KLC2: variants seen among roughly 807,000 people sequenced by gnomAD.
KLC2 encodes kinesin light chain 2.
Under a neutral mutation model 75.1 loss-of-function variants are expected in KLC2, and 35 were observed. The observed-to-expected ratio is 0.47, with a 90% CI of 0.36 to 0.62. KLC2 has a LOEUF of 0.62. KLC2 is among the 20% of genes least tolerant of loss of function. KLC2 has a pLI of 0.00. For missense variants in KLC2, 611 were observed against 833.2 expected (o/e 0.73, Z 3.28); for synonymous variants, 314 against 336.7 (o/e 0.93, Z 0.74).
At chr11:66,257,510 C>G (rs532524253), upstream of KLC2, 2 of 152,332 alleles carry the variant, frequency 1.3e-5, no homozygotes, top group East Asian at 1.9e-4. Flanking sequence ...TTCGACCTCC[C>G]GAGCAGCTCC....
Position 66,267,214 on chromosome 11 carries a change from T to G in KLC2, c.*258T>G. 7.8e-5 allele frequency: 116 copies of G among 1,481,032 alleles called. No individual in the cohort carries two copies. The highest frequency in any genetic ancestry group is 1.7e-4 in the Middle Eastern group (1 of 5,882). 91.7% of individuals were successfully genotyped at this position (1,481,032 alleles called of 1,614,324 possible). A position where few individuals can be genotyped will look rare whatever the true frequency, so the allele number is the denominator to read the frequency against. ...GTTCGGGCCAGCAGGAGGTGCCGGC[T>G]GGAGTCTCCACCATAGACTCAGTGG... On this transcript the variant is annotated 3_prime_UTR_variant, in exon 16 of 16. Transcript: ENST00000394067.
At chr11:66,249,941 T>C in the KLC2 span, among the ~76,000 whole-genome samples, 9 of 152,176 alleles carry the variant, frequency 5.9e-5, no homozygotes, top group Non-Finnish European at 1.0e-4. Flanking sequence ...TTTGTCGTCC[T>C]ATCCTCCCAG....
At chr11:66,263,784 C>T (rs757304384) in intron 6 of KLC2, 37 bp downstream of exon 6, 20 of 1,604,026 alleles carry the variant, frequency 1.2e-5, no homozygotes, top group South Asian at 8.8e-5. Context: ...GGGCTGTGCC[C>T]CATCCCCTGC....
At chr11:66,255,605 T>C (rs1034464396), upstream of KLC2, among the ~76,000 whole-genome samples, 2 of 152,062 alleles carry the variant, frequency 1.3e-5, no homozygotes, top group African/African-American at 4.8e-5. Flanking sequence ...CCAGCTGAAA[T>C]GGACAAGGAT....
Position 66,265,079 on chromosome 11 carries a change from CTG to C in KLC2, c.1266+10_1266+11del. 1.2e-6 allele frequency: 2 copies of C among 1,610,902 alleles called. No homozygotes were observed. The highest frequency in any genetic ancestry group is 2.7e-5 in the African/African-American group (2 of 75,014). ...GGAGCGGGAGGAAAGCAAGGTAGCT[CTG>C]TGGGGCAGGCTGGGCGGTTGTCAGG... On this transcript the variant is annotated splice_region_variant and intron_variant, in intron 10 of 15. Coordinates refer to ENST00000394067, the MANE Select transcript of KLC2 (RefSeq NM_001318734.2).
chr11:66,262,887 G>C lies in KLC2; in HGVS notation c.603G>C (p.Leu201=), dbSNP rs1160014042. Residue 201 remains leucine, a synonymous_variant, in exon 5 of 16, where the codon CTG becomes CTC. Transcript: ENST00000394067. ...GYEIPARLRT[L]HNLVIQYASQ... ...AGATCCCGGCCCGGCTCCGCACCCT[G>C]CACAACCTGGTGATCCAATACGCCT... 2.4e-5 allele frequency: 39 copies of C among 1,613,586 alleles called. No homozygotes were observed. The highest frequency in any genetic ancestry group is 3.1e-5 in the Non-Finnish European group (36 of 1,179,922).
chr11:66,262,601 C>G lies in KLC2; in HGVS notation c.530-213C>G. On this transcript the variant is annotated intron_variant, in intron 4 of 15. Transcript: ENST00000394067. ...CAGGCTCAGAGGTTAGGCAGCTTGC[C>G]CCAGGACACAGAGCCTGAAGTACTG... is the stretch of plus-strand genomic sequence containing the variant. 6 of 590,298 alleles carry G rather than the reference C, an allele frequency of 1.0e-5. No individual in the cohort carries two copies. In the South Asian group the frequency reaches 1.2e-4, roughly 12 times the overall value. The allele number at this position is 590,298 out of a possible 1,614,324, so 36.6% of individuals were successfully genotyped here.
rs1487991452 is a variant in KLC2, at chr11:66,267,001, C to T, written c.*45C>T. On this transcript the variant is annotated 3_prime_UTR_variant, in exon 16 of 16. Coordinates refer to ENST00000394067, the MANE Select transcript of KLC2 (RefSeq NM_001318734.2). ...CACCAGAGCGCCCACCTGGCACACC[C>T]CCCTCACCCCAGCCCTGCGCATGGG... 1.2e-6 allele frequency: 2 copies of T among 1,605,764 alleles called. No individual in the cohort carries two copies. The highest frequency in any genetic ancestry group is 1.7e-6 in the Non-Finnish European group (2 of 1,179,302).
At position 66,267,325 on chromosome 11, in the gene KLC2, G is replaced by A; in HGVS notation, c.*369G>A. On this transcript the variant is annotated 3_prime_UTR_variant, in exon 16 of 16. Transcript: ENST00000394067. ...TCGCCCTCCCTCCCGACTCAACCCG[G>A]CCGTTGCTTCTGTATATAGAGAAAT... 1.2e-6 allele frequency: 1 copy of A among 807,638 alleles called. No homozygotes were observed. Among genetic ancestry groups the A allele is most frequent in the Non-Finnish European group, 2.1e-6 (1 of 467,776 alleles). 50.0% of individuals were successfully genotyped at this position (807,638 alleles called of 1,614,324 possible).
At chr11:66,250,856 G>C in the KLC2 span, among the ~76,000 whole-genome samples, 1 of 152,210 alleles carries the variant, frequency 6.6e-6, no homozygotes, top group Non-Finnish European at 1.5e-5. Context: ...AGTGCCAGTG[G>C]GAGCGGAGGA....
In KLC2 at chr11:66,258,727, C is replaced by T. The variant is rs1324056536; in HGVS notation, c.133C>T (p.Pro45Ser). 1.2e-6 allele frequency: 2 copies of T among 1,613,538 alleles called. No homozygotes were observed. The highest frequency in any genetic ancestry group is 1.7e-6 in the Non-Finnish European group (2 of 1,180,012). ...HRALLAPLVAPEAGEAEPGSQ... is the reference protein window; with the variant it reads ...HRALLAPLVASEAGEAEPGSQ... ...TGCCCTGCTGGCTCCTCTGGTTGCA[C>T]CTGAGGCCGGCGAAGCCGAGCCTGG... The change falls in exon 2 of 16, where the codon CCT becomes TCT. Residue 45 changes from proline (P) to serine (S), a missense_variant. Pro to Ser is a moderately conservative substitution (Grantham distance 74). Transcript: ENST00000394067.
chr11:66,264,401 G>T lies in KLC2; in HGVS notation c.1173G>T (p.Glu391Asp). 6.2e-7 allele frequency: 1 copy of T among 1,613,808 alleles called. No homozygotes were observed. The highest frequency in any genetic ancestry group is 8.5e-7 in the Non-Finnish European group (1 of 1,179,882). ...KYQDAETLYKEILTRAHEKEF... is the reference protein window; with the variant it reads ...KYQDAETLYKDILTRAHEKEF... ...AGGATGCGGAGACCTTGTACAAGGAGATCCTCACCCGCGCTCATGAGAAAG... is the reference window on the plus strand; with the variant it reads ...AGGATGCGGAGACCTTGTACAAGGATATCCTCACCCGCGCTCATGAGAAAG... The change falls in exon 9 of 16, where the codon GAG becomes GAT. Residue 391 changes from glutamate to aspartate, a missense_variant. By Grantham distance (45) the Glu-to-Asp change is conservative. Transcript: ENST00000394067.
At chr11:66,249,096 C>A in the KLC2 span, among the ~76,000 whole-genome samples, 10 of 152,168 alleles carry the variant, frequency 6.6e-5, no homozygotes, top group Admixed American at 5.9e-4. Context: ...TTTTTGATGA[C>A]CTTGACAGTT....
chr11:66,258,594 C>T lies in KLC2; in HGVS notation c.-1C>T, dbSNP rs1358910434. 1.2e-6 allele frequency: 2 copies of T among 1,611,146 alleles called. No individual in the cohort carries two copies. The highest frequency in any genetic ancestry group is 1.7e-6 in the Non-Finnish European group (2 of 1,177,906). On this transcript the variant is annotated 5_prime_UTR_variant, in exon 2 of 16. Transcript: ENST00000394067. ...CCCTCGTCCTCACAGACGCCACAGC[C>T]ATGGCCATGATGGTGTTTCCGCGGG... is the stretch of plus-strand genomic sequence containing the variant.
At chr11:66,254,750 AC>A (rs1382095441), upstream of KLC2, among the ~76,000 whole-genome samples, 1 of 151,264 alleles carries the variant, frequency 6.6e-6, no homozygotes, top group Non-Finnish European at 1.5e-5. Context: ...TAATGGTAAA[AC>A]CCTATCTCTA....
chr11:66,255,847 C>T (rs1267450321), upstream of KLC2, among the ~76,000 whole-genome samples: 1 of 151,002 alleles, frequency 6.6e-6, no homozygotes, highest in Non-Finnish European at 1.5e-5. Flanking sequence ...CTCACTGCAA[C>T]CTCCGCCTCC....
rs773382725 is a variant in KLC2 at position 66,262,138 on chromosome 11, G to C, written c.475G>C (p.Val159Leu). ...TCCTTCCCAGGAGGAGAAGGGGGACGTCCCCAAAGACACACTGGATGACCT... is the reference window on the plus strand; with the variant it reads ...TCCTTCCCAGGAGGAGAAGGGGGACCTCCCCAAAGACACACTGGATGACCT... ...DASPNEEKGDVPKDTLDDLFP... is the reference protein window; with the variant it reads ...DASPNEEKGDLPKDTLDDLFP... Residue 159 changes from valine to leucine, a missense_variant, in exon 4 of 16, where the codon GTC (valine) becomes CTC (leucine). By Grantham distance (32) the Val-to-Leu change is conservative (BLOSUM62 1). Transcript: ENST00000394067. 5 of 1,613,184 alleles carry C rather than the reference G, an allele frequency of 3.1e-6. No homozygotes were observed. Among genetic ancestry groups the C allele is most frequent in the Non-Finnish European group, 4.2e-6 (5 of 1,179,922 alleles).
rs1163343380 is a variant in KLC2 at position 66,258,763 on chromosome 11, C to T, written c.169C>T (p.Arg57Cys). The change falls in exon 2 of 16, where the codon CGC becomes TGC. Residue 57 changes from arginine (R) to cysteine (C), a missense_variant. Arg to Cys is a radical substitution (Grantham distance 180). Coordinates refer to ENST00000394067, the MANE Select transcript of KLC2 (RefSeq NM_001318734.2). ...AGEAEPGSQERCILLRRSLEA... is the reference protein window; with the variant it reads ...AGEAEPGSQECCILLRRSLEA... Reference sequence around the variant, plus strand: ...CGAAGCCGAGCCTGGCTCGCAGGAGCGCTGCATCCTCCTGCGTCGCTCCCT... The same window carrying T: ...CGAAGCCGAGCCTGGCTCGCAGGAGTGCTGCATCCTCCTGCGTCGCTCCCT... The T allele has an allele frequency of 6.2e-7, 1 of 1,613,502 alleles. No individual in the cohort carries two copies. Among genetic ancestry groups the T allele is most frequent in the South Asian group, 1.1e-5 (1 of 91,078 alleles).
At chr11:66,248,287 T>C in the KLC2 span, among the ~76,000 whole-genome samples, 4 of 152,226 alleles carry the variant, frequency 2.6e-5, no homozygotes, top group Non-Finnish European at 4.4e-5. Flanking sequence ...GCATTTGTCA[T>C]AACTAGTGAG....
Sources: gnomAD v4.1 joint callset for allele counts (sites outside exome capture counted in the v4.1 genomes callset) on GRCh38, gnomAD v4.1.1 for gene constraint, MANE v1.5 for transcripts, NCBI Gene and HGNC (gene_info 2026-07-23, HGNC 2026-07-21) for gene names.